Variants in UMAD1 observed in about 807,000 individuals in gnomAD.
UMAD1 encodes UBAP1-MVB12-associated (UMA) domain containing 1.
A neutral mutation model predicts 6.1 loss-of-function variants in UMAD1; 8 were observed. That is an observed-to-expected ratio of 1.30 (90% CI 0.76 to 2.35). The LOEUF is 2.35. UMAD1 is among the 30% of genes most tolerant of loss of function. UMAD1 has a pLI of 0.00. For missense variants in UMAD1, 130 were observed against 78.4 expected, an observed-to-expected ratio of 1.66 and a Z score of -2.49; for synonymous variants, 56 against 31.4, an observed-to-expected ratio of 1.78 and a Z score of -2.61.
intron 3 of UMAD1, among the ~76,000 whole-genome samples, chr7:7,875,789 C>G (rs955316885): frequency 2.0e-4 from 30 of 152,182 alleles, no homozygotes; most frequent in Non-Finnish European, 3.4e-4. Flanking sequence ...ACATGAGCTA[C>G]AAAAGCTTCT....
chr7:7,751,747 T>C (rs116526609), intron 2 of UMAD1, among the ~76,000 whole-genome samples: 151 of 152,332 alleles, frequency 9.9e-4, no homozygotes, highest in African/African-American at 3.6e-3. Flanking sequence ...TCAGGACCTC[T>C]GACTTGCACA....
chr7:7,797,413 A>G (rs146145859), intron 2 of UMAD1, among the ~76,000 whole-genome samples: 1,628 of 152,278 alleles, frequency 0.011, 16 homozygotes, highest in African/African-American at 0.029. Context: ...CAATGAACCT[A>G]TTATGGTTAC....
At chr7:7,825,931 A>G in intron 3 of UMAD1, among the ~76,000 whole-genome samples, 1 of 152,184 alleles carries the variant, frequency 6.6e-6, no homozygotes, top group East Asian at 1.9e-4. Context: ...CATATAACTT[A>G]CACACATCCT....
chr7:7,657,139 T>A (rs1396527032), intron 1 of UMAD1, among the ~76,000 whole-genome samples: 1 of 152,172 alleles, frequency 6.6e-6, no homozygotes, highest in Non-Finnish European at 1.5e-5. Context: ...AGTTCATATC[T>A]TCTGCCCACT....
At chr7:7,836,996 A>T (rs1301799629) in intron 3 of UMAD1, among the ~76,000 whole-genome samples, 1 of 151,946 alleles carries the variant, frequency 6.6e-6, no homozygotes, top group Non-Finnish European at 1.5e-5. Flanking sequence ...AAGCCCCCCA[A>T]ACACAAAGAA....
At chr7:7,796,240 C>CTTTTTT (rs1782675248) in intron 2 of UMAD1, among the ~76,000 whole-genome samples, 1 of 95,976 alleles carries the variant, frequency 1.0e-5, no homozygotes, top group African/African-American at 5.7e-5. Context: ...TTTCTATTTT[C>CTTTTTT]TTTCTTTTTT....
intron 2 of UMAD1, among the ~76,000 whole-genome samples, chr7:7,726,510 G>A (rs954375748): frequency 6.6e-6 from 1 of 152,214 alleles, no homozygotes; most frequent in Non-Finnish European, 1.5e-5. Flanking sequence ...CCAGAAGGCC[G>A]TGTATGCTCT....
intron 3 of UMAD1, among the ~76,000 whole-genome samples, chr7:7,859,647 G>T (rs549478274): frequency 6.6e-6 from 1 of 152,246 alleles, no homozygotes; most frequent in East Asian, 1.9e-4. Flanking sequence ...AAGGTCACAC[G>T]GTTTAGGTAG....
At chr7:7,723,150 G>C (rs1167972601) in intron 2 of UMAD1, among the ~76,000 whole-genome samples, 2 of 152,178 alleles carry the variant, frequency 1.3e-5, no homozygotes, top group Non-Finnish European at 2.9e-5. Context: ...TGGGCCCCTA[G>C]AGGCAAGGTT....
rs28912680 is a variant in UMAD1, at chr7:7,715,113, T to C, written c.82+41660T>C. The C allele has an allele frequency of 2.0e-5, 3 of 152,298 alleles. No individual in the cohort carries two copies. In the East Asian group the frequency reaches 5.8e-4, roughly 29 times the overall value. The allele number at this position is 152,298 out of a possible 1,614,324, so 9.4% of individuals were successfully genotyped here. ...GTTTTACGAGATGAACTCTGAATTA[T>C]AGAATATCTCACCATTAATATGCAC... On this transcript the variant is annotated intron_variant, in intron 2 of 3. Transcript: ENST00000682710.
intron 3 of UMAD1, among the ~76,000 whole-genome samples, chr7:7,851,163 C>G (rs896439568): frequency 3.3e-5 from 5 of 152,104 alleles, no homozygotes; most frequent in Non-Finnish European, 7.4e-5. Flanking sequence ...AATATGTGGT[C>G]TTTTGTGACT....
chr7:7,661,213 TC>T (rs1249734128), intron 1 of UMAD1, among the ~76,000 whole-genome samples: 1 of 152,208 alleles, frequency 6.6e-6, no homozygotes, highest in Non-Finnish European at 1.5e-5. Flanking sequence ...TAGCAATTCA[TC>T]TAACCTTTTT....
chr7:7,660,996 A>G (rs754294096), intron 1 of UMAD1, among the ~76,000 whole-genome samples: 4 of 88,990 alleles, frequency 4.5e-5, no homozygotes, highest in African/African-American at 1.1e-4. Context: ...GGCTTTGTTC[A>G]TTCCTTTTGA....
intron 3 of UMAD1, among the ~76,000 whole-genome samples, chr7:7,870,122 A>G (rs975102787): frequency 1.3e-5 from 2 of 152,216 alleles, no homozygotes; most frequent in African/African-American, 2.4e-5. Flanking sequence ...TAACAGGTTA[A>G]CTGATGAACA....
chr7:7,874,995 A>G (rs1410731700), intron 3 of UMAD1, among the ~76,000 whole-genome samples: 2 of 152,124 alleles, frequency 1.3e-5, no homozygotes, highest in African/African-American at 2.4e-5. Flanking sequence ...GCTGGTCTCG[A>G]ACTCCCGACC....
chr7:7,725,309 G>A (rs1182214212), intron 2 of UMAD1, among the ~76,000 whole-genome samples: 1 of 152,178 alleles, frequency 6.6e-6, no homozygotes, highest in Non-Finnish European at 1.5e-5. Flanking sequence ...CAGAACAGGA[G>A]AAGGCTCTGC....
chr7:7,760,029 C>T (rs1781853284), intron 2 of UMAD1, among the ~76,000 whole-genome samples: 1 of 152,136 alleles, frequency 6.6e-6, no homozygotes, highest in South Asian at 2.1e-4. Context: ...GAGACCCTGG[C>T]TTACAAGGGT....
chr7:7,856,211 A>G (rs1379773055), intron 3 of UMAD1, among the ~76,000 whole-genome samples: 4 of 152,296 alleles, frequency 2.6e-5, no homozygotes, highest in Admixed American at 2.6e-4. Context: ...CTACTTCAAT[A>G]CCAATTTATT....
chr7:7,726,648 T>G (rs1175989637), intron 2 of UMAD1, among the ~76,000 whole-genome samples: 1 of 152,198 alleles, frequency 6.6e-6, no homozygotes, highest in Non-Finnish European at 1.5e-5. Flanking sequence ...AAAATTTTGC[T>G]TCCTTTTCCT....
Sources: gnomAD v4.1 joint callset for allele counts (sites outside exome capture counted in the v4.1 genomes callset) on GRCh38, gnomAD v4.1.1 for gene constraint, MANE v1.5 for transcripts, NCBI Gene and HGNC (gene_info 2026-07-23, HGNC 2026-07-21) for gene names.